Variants in PLEK2 observed in about 807,000 individuals in gnomAD.
PLEK2 encodes the protein pleckstrin-2.
PLEK2 carries 29 observed loss-of-function variants against 43.8 expected under a neutral mutation model. That is an observed-to-expected ratio of 0.66 (90% CI 0.49 to 0.90). The LOEUF (loss-of-function observed/expected upper bound fraction) is 0.90. PLEK2 is among the 40% of genes least tolerant of loss of function. PLEK2 has a pLI of 0.00. For synonymous variants in PLEK2, 162 were observed against 173.2 expected (o/e 0.94, Z 0.51); for missense variants, 398 against 448.1 (o/e 0.89, Z 1.01).
intron 7 of PLEK2, 97 bp from the exon 8 acceptor site, chr14:67,388,399 CA>C (rs1440538318): frequency 2.6e-6 from 2 of 762,618 alleles, no homozygotes; most frequent in Non-Finnish European, 4.7e-6. Flanking sequence ...GAAGTGAGTG[CA>C]AATCATTTGT....
intron 1 of PLEK2, among the ~76,000 whole-genome samples, chr14:67,400,607 C>A (rs893335560): frequency 6.6e-6 from 1 of 152,066 alleles, no homozygotes; most frequent in African/African-American, 2.4e-5. Context: ...AAACTGCTGG[C>A]ACCCAAGGCT....
intron 2 of PLEK2, 128 bp downstream of exon 2, chr14:67,397,534 G>T: frequency 1.3e-6 from 1 of 745,926 alleles, no homozygotes; most frequent in Non-Finnish European, 2.1e-6. Flanking sequence ...GCGGAGCCAG[G>T]ATTTGAATCC....
At chr14:67,409,262 AG>A (rs2086101017) in intron 1 of PLEK2, among the ~76,000 whole-genome samples, 1 of 150,486 alleles carries the variant, frequency 6.6e-6, no homozygotes, top group Non-Finnish European at 1.5e-5. Flanking sequence ...AATAAGTAAC[AG>A]GGGGGTGTGG....
In PLEK2 at chr14:67,397,802, C is replaced by T. The variant is rs1323268997; in HGVS notation, c.67G>A (p.Ala23Thr). The T allele has an allele frequency of 6.2e-7, 1 of 1,612,248 alleles. No homozygotes were observed. Among genetic ancestry groups the T allele is most frequent in the East Asian group, 2.2e-5 (1 of 44,862 alleles). ...KRGHIVHNWK[A>T]RWFILRQNTL... ...TTCTGCCGAAGGATGAACCATCGCGCCTTCCAGTTGTGGACAATGTGGCCC... is the reference window on the plus strand; with the variant it reads ...TTCTGCCGAAGGATGAACCATCGCGTCTTCCAGTTGTGGACAATGTGGCCC... The change falls in exon 2 of 9, where the codon GCG becomes ACG. Residue 23 changes from alanine (A) to threonine (T), a missense_variant. Transcript: ENST00000216446.
At chr14:67,403,462 T>C (rs1218624666) in intron 1 of PLEK2, among the ~76,000 whole-genome samples, 1 of 152,254 alleles carries the variant, frequency 6.6e-6, no homozygotes, top group Non-Finnish European at 1.5e-5. Context: ...TTTGTCTGAC[T>C]GTATGGTCCC....
Position 67,390,655 on chromosome 14 carries a change from G to A in PLEK2, c.855+8C>T, listed in dbSNP as rs367956243. 1.2e-4 allele frequency: 191 copies of A among 1,589,748 alleles called. No individual in the cohort carries two copies. Among genetic ancestry groups the A allele is most frequent in the Non-Finnish European group, 1.6e-4 (180 of 1,157,952 alleles). On this transcript the variant is annotated splice_region_variant and intron_variant, in intron 7 of 8. Coordinates refer to ENST00000216446, the MANE Select transcript of PLEK2 (RefSeq NM_016445.3). ...TGGGACCAACATGGAGCCAGCATGC[G>A]CACTCACTTTGGAAGGGTCATAGTA...
chr14:67,396,155 G>GT (rs925646515), intron 2 of PLEK2, among the ~76,000 whole-genome samples: 45 of 150,516 alleles, frequency 3.0e-4, no homozygotes, highest in Non-Finnish European at 5.5e-4. Context: ...TTTGTTTTTT[G>GT]TTTTTTTCTT....
At chr14:67,396,126 CTTTGTTTTTTTGTTTTGT>C (rs1332321906) in intron 2 of PLEK2, among the ~76,000 whole-genome samples, 5 of 152,048 alleles carry the variant, frequency 3.3e-5, no homozygotes, top group African/African-American at 1.2e-4. Context: ...ATCCAGGTCG[CTTTGTTTTTTTGTTTTGT>C]TTTGTTTTTT....
At chr14:67,392,515 C>G (rs2085976907) in intron 5 of PLEK2, 88 bp from the exon 6 acceptor site, 1 of 1,265,914 alleles carries the variant, frequency 7.9e-7, no homozygotes, top group South Asian at 1.2e-5. Flanking sequence ...GGAAATTCCT[C>G]AGGACAGGAA....
In PLEK2 at chr14:67,397,780, T is replaced by C; in HGVS notation, c.89A>G (p.Gln30Arg). The change falls in exon 2 of 9, where the codon CAG (glutamine) becomes CGG (arginine). Residue 30 changes from glutamine to arginine, a missense_variant. By Grantham distance (43) the Gln-to-Arg change is conservative. Coordinates refer to ENST00000216446, the MANE Select transcript of PLEK2 (RefSeq NM_016445.3). Reference sequence around the variant, plus strand: ...AAGCTTGTAGTACACCAGCGTGTTCTGCCGAAGGATGAACCATCGCGCCTT... The same window carrying C: ...AAGCTTGTAGTACACCAGCGTGTTCCGCCGAAGGATGAACCATCGCGCCTT... ...NWKARWFILR[Q>R]NTLVYYKLEG... 2.5e-6 allele frequency: 4 copies of C among 1,613,316 alleles called. No individual in the cohort carries two copies. Among genetic ancestry groups the C allele is most frequent in the Non-Finnish European group, 3.4e-6 (4 of 1,179,612 alleles).
intron 2 of PLEK2, among the ~76,000 whole-genome samples, chr14:67,396,952 T>G (rs1028295859): frequency 6.6e-6 from 1 of 152,096 alleles, no homozygotes; most frequent in Non-Finnish European, 1.5e-5. Context: ...GACTTTTTTT[T>G]TTTTTTTGAG....
chr14:67,412,076 C>T lies in PLEK2; in HGVS notation c.-17G>A, dbSNP rs951836328. 6 of 1,533,114 alleles carry T rather than the reference C, an allele frequency of 3.9e-6. No homozygotes were observed. The highest frequency in any genetic ancestry group is 5.2e-6 in the Non-Finnish European group (6 of 1,143,472). The allele number at this position is 1,533,114 out of a possible 1,614,324, so 95.0% of individuals were successfully genotyped here. A position where few individuals can be genotyped will look rare whatever the true frequency, so the allele number is the denominator to read the frequency against. On this transcript the variant is annotated 5_prime_UTR_variant, in exon 1 of 9. Transcript: ENST00000216446. ...GTCCTCCATGTCGCCGCCCGCACGC[C>T]AGGGCCACCCCAGGTGCGCCTTCCC...
intron 1 of PLEK2, among the ~76,000 whole-genome samples, chr14:67,399,915 G>T (rs1277307522): frequency 2.0e-5 from 3 of 152,186 alleles, no homozygotes; most frequent in Admixed American, 6.5e-5. Flanking sequence ...CACCTTCCTG[G>T]GATATTTCCA....
intron 5 of PLEK2, 106 bp downstream of exon 5, chr14:67,392,556 C>T: frequency 8.0e-7 from 1 of 1,256,828 alleles, no homozygotes; most frequent in Non-Finnish European, 1.2e-6. Flanking sequence ...AAGTCGTCCC[C>T]CAAGCCCAAG....
intron 6 of PLEK2, 56 bp from the exon 7 acceptor site, chr14:67,390,802 C>A (rs1341165483): frequency 8.3e-7 from 1 of 1,199,094 alleles, no homozygotes; most frequent in Non-Finnish European, 1.2e-6. Context: ...TCCCTCTCTC[C>A]TGTATCTATG....
At chr14:67,393,003 T>G in intron 4 of PLEK2, 147 bp downstream of exon 4, 2 of 868,724 alleles carry the variant, frequency 2.3e-6, no homozygotes, top group Non-Finnish European at 3.8e-6. Flanking sequence ...GAGCCGTGGC[T>G]GCACACCCAC....
intron 5 of PLEK2, 96 bp downstream of exon 5, chr14:67,392,566 G>A (rs1431054199): frequency 1.2e-5 from 15 of 1,281,218 alleles, no homozygotes; most frequent in Non-Finnish European, 2.2e-6. Context: ...CCAAGCCCAA[G>A]GTCTCCTCCC....
rs1415745757 is a variant in PLEK2 at position 67,399,391 on chromosome 14, G to A, written c.43-1565C>T. ...AGGTGGCAGGAATAAAGAGAAGGGT[G>A]GTTTAGGTGGGTCTCAGGTGGCAGG... is the stretch of plus-strand genomic sequence containing the variant. On this transcript the variant is annotated intron_variant, in intron 1 of 8. Coordinates refer to ENST00000216446, the MANE Select transcript of PLEK2 (RefSeq NM_016445.3). Among the ~76,000 whole-genome samples, 9 of 126,556 alleles carry A rather than the reference G, an allele frequency of 7.1e-5. No individual in the cohort carries two copies. In the East Asian group the frequency reaches 7.2e-4, roughly 10 times the overall value. The allele number at this position is 126,556 out of a possible 152,430, so 83.0% of individuals were successfully genotyped here. A position where few individuals can be genotyped will look rare whatever the true frequency, so the allele number is the denominator to read the frequency against.
chr14:67,407,678 C>A (rs2086088278), intron 1 of PLEK2, among the ~76,000 whole-genome samples: 1 of 152,082 alleles, frequency 6.6e-6, no homozygotes, highest in East Asian at 1.9e-4. Context: ...TGGCCTCAAG[C>A]AATCCTCCCA....
Sources: allele counts gnomAD v4.1 joint callset (sites outside exome capture counted in the v4.1 genomes callset), GRCh38; gene constraint gnomAD v4.1.1; transcripts MANE v1.5; gene names NCBI Gene and HGNC (gene_info 2026-07-23, HGNC 2026-07-21).